EIF4E3: variants seen among roughly 807,000 people sequenced by gnomAD.
EIF4E3 encodes eukaryotic translation initiation factor 4E family member 3.
EIF4E3 carries 26 observed loss-of-function variants against 31.7 expected under a neutral mutation model. The observed-to-expected ratio is 0.82, with a 90% CI of 0.60 to 1.14. The LOEUF (loss-of-function observed/expected upper bound fraction) is 1.14. Among genes scored for constraint, EIF4E3 ranks in the 50% most tolerant of loss-of-function variants. EIF4E3 has a pLI of 0.00. For missense variants in EIF4E3, 304 were observed against 270.9 expected (o/e 1.12, Z -0.86); for synonymous variants, 128 against 107.7 (o/e 1.19, Z -1.17).
intron 2 of EIF4E3, among the ~76,000 whole-genome samples, chr3:71,708,628 C>A (rs2049329497): frequency 6.6e-6 from 1 of 152,086 alleles, no homozygotes; most frequent in South Asian, 2.1e-4. Flanking sequence ...TGACTAGTGT[C>A]AGCCCCAGAA....
At chr3:71,698,555 C>G (rs1449174806) in intron 3 of EIF4E3, among the ~76,000 whole-genome samples, 4 of 152,232 alleles carry the variant, frequency 2.6e-5, no homozygotes, top group Non-Finnish European at 4.4e-5. Flanking sequence ...GCAGGGTTGA[C>G]TCCACGTCCT....
chr3:71,700,612 TAAAAAAA>T (rs377334249), intron 2 of EIF4E3, among the ~76,000 whole-genome samples: 4 of 127,344 alleles, frequency 3.1e-5, no homozygotes, highest in Non-Finnish European at 4.8e-5. Context: ...AGACTCCGTT[TAAAAAAA>T]AAAAAAAAAA....
At chr3:71,692,787 GTCTC>G (rs1293753550) in intron 5 of EIF4E3, among the ~76,000 whole-genome samples, 2 of 151,944 alleles carry the variant, frequency 1.3e-5, no homozygotes, top group Non-Finnish European at 2.9e-5. Flanking sequence ...AGAGACAAGG[GTCTC>G]TCTATGTTAC....
intron 1 of EIF4E3, among the ~76,000 whole-genome samples, chr3:71,744,386 C>T (rs2049850586): frequency 6.6e-6 from 1 of 152,026 alleles, no homozygotes; most frequent in Non-Finnish European, 1.5e-5. Flanking sequence ...AATTTTATTC[C>T]CAGCCAAACT....
At chr3:71,718,927 T>G (rs560410710) in intron 1 of EIF4E3, among the ~76,000 whole-genome samples, 1 of 152,214 alleles carries the variant, frequency 6.6e-6, no homozygotes, top group Non-Finnish European at 1.5e-5. Context: ...AAAGTTCAGA[T>G]GCCAGCCACT....
intron 1 of EIF4E3, among the ~76,000 whole-genome samples, chr3:71,712,637 G>GC (rs201099756): frequency 2.7e-4 from 32 of 116,578 alleles, no homozygotes; most frequent in African/African-American, 1.0e-3. Flanking sequence ...GCGGGGGGTG[G>GC]GCGGGGGAGA....
chr3:71,741,863 C>A (rs966195434), intron 1 of EIF4E3, among the ~76,000 whole-genome samples: 10 of 152,184 alleles, frequency 6.6e-5, no homozygotes, highest in African/African-American at 2.2e-4. Context: ...ATAGCAAGAT[C>A]TCTGGGAATC....
rs1379569897 is a variant in EIF4E3 at position 71,677,275 on chromosome 3, G to A, written c.*7407C>T. The A allele has an allele frequency of 6.6e-6, 1 of 152,150 alleles. No individual in the cohort carries two copies. Among genetic ancestry groups the A allele is most frequent in the Non-Finnish European group, 1.5e-5 (1 of 67,998 alleles). 9.4% of individuals were successfully genotyped at this position (152,150 alleles called of 1,614,324 possible). ...CTTGCTGGCCCTTGCAAATGCTACT[G>A]TTTTTTCTTTTCTTCATGTAACAAA... On this transcript the variant is annotated 3_prime_UTR_variant, in exon 7 of 7. Coordinates refer to ENST00000425534, the MANE Select transcript of EIF4E3 (RefSeq NM_001134651.2).
downstream of EIF4E3, among the ~76,000 whole-genome samples, chr3:71,670,990 T>C (rs1237430754): frequency 6.6e-6 from 1 of 151,974 alleles, no homozygotes; most frequent in African/African-American, 2.4e-5. Context: ...GCGCGGAGAA[T>C]GGGTTTCCTA....
chr3:71,703,766 T>C (rs1420158338), intron 2 of EIF4E3, among the ~76,000 whole-genome samples: 2 of 147,608 alleles, frequency 1.4e-5, no homozygotes, highest in African/African-American at 2.6e-5. Context: ...GATATGTCTG[T>C]TTTGTAAAAC....
chr3:71,675,175 A>G (rs1305715968), downstream of EIF4E3, among the ~76,000 whole-genome samples: 1 of 152,202 alleles, frequency 6.6e-6, no homozygotes, highest in African/African-American at 2.4e-5. Context: ...ATTTGCAAAC[A>G]CAAATAGTTA....
intron 3 of EIF4E3, among the ~76,000 whole-genome samples, chr3:71,697,622 T>G (rs1248524385): frequency 3.5e-5 from 5 of 144,028 alleles, no homozygotes; most frequent in Admixed American, 1.5e-4. Context: ...CAGTTCAGGG[T>G]TTTTTTTTTT....
At chr3:71,700,091 T>C (rs1225053544) in intron 2 of EIF4E3, among the ~76,000 whole-genome samples, 1 of 152,128 alleles carries the variant, frequency 6.6e-6, no homozygotes, top group African/African-American at 2.4e-5. Context: ...GGAGAATAGC[T>C]TGAGCCTGGG....
In EIF4E3 at chr3:71,684,603, C is replaced by T; in HGVS notation, c.*79G>A. ...TTGACCAGCATCGGCTTCGGCAAGT[C>T]TTCTCTTCACTCTCCCTCCTGTTAA... is the stretch of plus-strand genomic sequence containing the variant. On this transcript the variant is annotated 3_prime_UTR_variant, in exon 7 of 7. Coordinates refer to ENST00000425534, the MANE Select transcript of EIF4E3 (RefSeq NM_001134651.2). 6.4e-7 allele frequency: 1 copy of T among 1,573,360 alleles called. No individual in the cohort carries two copies. Among genetic ancestry groups the T allele is most frequent in the Non-Finnish European group, 8.7e-7 (1 of 1,147,332 alleles).
chr3:71,743,187 GA>G (rs988413466), intron 1 of EIF4E3, among the ~76,000 whole-genome samples: 28 of 152,128 alleles, frequency 1.8e-4, no homozygotes, highest in African/African-American at 6.7e-4. Context: ...CATCCAGACT[GA>G]AAAAACGGTA....
At chr3:71,711,983 A>G (rs1471874053) in intron 1 of EIF4E3, among the ~76,000 whole-genome samples, 1 of 152,134 alleles carries the variant, frequency 6.6e-6, no homozygotes, top group Non-Finnish European at 1.5e-5. Context: ...ACTCTGTCTG[A>G]AAAAAACAAA....
At chr3:71,751,078 T>G (rs897305566) in intron 1 of EIF4E3, among the ~76,000 whole-genome samples, 3 of 151,854 alleles carry the variant, frequency 2.0e-5, no homozygotes, top group Admixed American at 2.0e-4. Context: ...AATAATTTTT[T>G]AAAAATTAGC....
Position 71,699,600 on chromosome 3 carries a change from C to A in EIF4E3, c.344+14G>T, listed in dbSNP as rs73088604. ...CCTCCCACCTTGACCTTAAATTACA[C>A]GTTAGACACTTACCAAAGTGGTCGC... On this transcript the variant is annotated intron_variant, in intron 3 of 6. Coordinates refer to ENST00000425534, the MANE Select transcript of EIF4E3 (RefSeq NM_001134651.2). The A allele has an allele frequency of 0.085, 136,965 of 1,609,684 alleles. 6,337 individuals are homozygous for A. Among genetic ancestry groups the A allele is most frequent in the East Asian group, 0.095 (4,258 of 44,824 alleles).
At chr3:71,702,676 G>A (rs1176852865) in intron 2 of EIF4E3, among the ~76,000 whole-genome samples, 1 of 145,470 alleles carries the variant, frequency 6.9e-6, no homozygotes, top group African/African-American at 2.6e-5. Flanking sequence ...TTTTTGCTGA[G>A]CATAAAATAG....
Sources: gnomAD v4.1 joint callset for allele counts (sites outside exome capture counted in the v4.1 genomes callset) on GRCh38, gnomAD v4.1.1 for gene constraint, MANE v1.5 for transcripts, NCBI Gene and HGNC (gene_info 2026-07-23, HGNC 2026-07-21) for gene names.